RUSC2: variants seen among roughly 807,000 people sequenced by gnomAD.
RUSC2 encodes the protein RUN and SH3 domain containing 2, also known as AP-4 complex accessory subunit RUSC2.
In RUSC2, 34 loss-of-function variants were observed where a neutral mutation model predicts 122.2. That is an observed-to-expected ratio of 0.28 (90% CI 0.21 to 0.37). The LOEUF is 0.37. RUSC2 is among the 10% of genes least tolerant of loss of function. The pLI is 1.00. For synonymous variants in RUSC2, 784 were observed against 790.0 expected (o/e 0.99, Z 0.13); for missense variants, 1,747 against 1,952.4 (o/e 0.89, Z 1.98).
Position 35,561,251 on chromosome 9 carries a change from C to T in RUSC2, c.4420C>T (p.Leu1474=), listed in dbSNP as rs1563877528. The T allele has an allele frequency of 1.9e-6, 3 of 1,614,056 alleles. No individual in the cohort carries two copies. The South Asian group carries it at 3.3e-5, about 18-fold the overall frequency. ...GQLSFHKGDI[L]RVLGRAGGDW... ...GCTGAGCTTCCACAAAGGAGACATC[C>T]TACGAGTGCTGGGGCGAGCTGGAGG... Residue 1474 remains leucine, a synonymous_variant, in exon 12 of 12, where the codon CTA becomes TTA. Transcript: ENST00000361226.
rs557841416 is a variant in RUSC2 at position 35,549,214 on chromosome 9, T to C, written c.2014+679T>C. The C allele has an allele frequency of 5.9e-5, 58 of 985,198 alleles. No individual in the cohort carries two copies. In the African/African-American group the frequency reaches 9.4e-4, roughly 16 times the overall value. 61.0% of individuals were successfully genotyped at this position (985,198 alleles called of 1,614,324 possible). On this transcript the variant is annotated intron_variant, in intron 2 of 11. Coordinates refer to ENST00000361226, the MANE Select transcript of RUSC2 (RefSeq NM_014806.5). Reference sequence around the variant, plus strand: ...GGAAGAAAAGTTCAGGTTCAGACCTTTAGGAGTTTGCAGTGCCTAAGGGGC... The same window carrying C: ...GGAAGAAAAGTTCAGGTTCAGACCTCTAGGAGTTTGCAGTGCCTAAGGGGC...
chr9:35,546,955 C>T lies in RUSC2; in HGVS notation c.434C>T (p.Ser145Phe), dbSNP rs756963954. 6.3e-7 allele frequency: 1 copy of T among 1,577,992 alleles called. No individual in the cohort carries two copies. The highest frequency in any genetic ancestry group is 1.2e-5 in the South Asian group (1 of 83,886). Residue 145 changes from serine to phenylalanine, a missense_variant, in exon 2 of 12, where the codon TCT becomes TTT. Physicochemically the swap from Ser to Phe is radical, Grantham distance 155 (BLOSUM62 -2). Coordinates refer to ENST00000361226, the MANE Select transcript of RUSC2 (RefSeq NM_014806.5). This position sits in a 1 kb window ranked among gnomAD's most constrained non-coding sequence, Gnocchi z 4.3. ...GGCCAGCCCAACTTTCATCTATCCTCTTTCCAGCTGCCACCATCTGGCCCC... is the reference window on the plus strand; with the variant it reads ...GGCCAGCCCAACTTTCATCTATCCTTTTTCCAGCTGCCACCATCTGGCCCC... ...GTGQPNFHLS[S>F]FQLPPSGPRV... is the part of the protein sequence containing the mutation.
intron 1 of RUSC2, among the ~76,000 whole-genome samples, chr9:35,499,683 A>C (rs1055826018): frequency 3.3e-5 from 5 of 152,218 alleles, no homozygotes; most frequent in Admixed American, 1.3e-4. Flanking sequence ...CTGTTTTTAT[A>C]CTTTGTGCTT....
At chr9:35,496,162 A>T (rs1820708941) in intron 1 of RUSC2, among the ~76,000 whole-genome samples, 1 of 152,152 alleles carries the variant, frequency 6.6e-6, no homozygotes, top group Admixed American at 6.6e-5. Context: ...GAAGCATGCA[A>T]CAAGTGGAGA....
Position 35,546,600 on chromosome 9 carries a change from A to G in RUSC2, c.79A>G (p.Arg27Gly). The G allele has an allele frequency of 6.5e-7, 1 of 1,533,886 alleles. No individual in the cohort carries two copies. Among genetic ancestry groups the G allele is most frequent in the Non-Finnish European group, 8.7e-7 (1 of 1,143,338 alleles). Residue 27 changes from arginine (R) to glycine (G), a missense_variant, in exon 2 of 12, where the codon AGG (arginine) becomes GGG (glycine). Arg to Gly is a moderately radical substitution (Grantham distance 125). Coordinates refer to ENST00000361226, the MANE Select transcript of RUSC2 (RefSeq NM_014806.5). This position sits in a 1 kb window ranked among gnomAD's most constrained non-coding sequence, Gnocchi z 4.3. ...IPLVHCQVPD[R>G]QCCGGAGGGG... ...CCTGGTGCACTGCCAAGTCCCAGAC[A>G]GGCAGTGCTGTGGAGGGGCAGGTGG...
intron 1 of RUSC2, among the ~76,000 whole-genome samples, chr9:35,493,201 C>G (rs1478000329): frequency 6.6e-6 from 1 of 152,096 alleles, no homozygotes; most frequent in Non-Finnish European, 1.5e-5. Context: ...ACATTCCCAT[C>G]ATTTAGCTCT....
intron 1 of RUSC2, among the ~76,000 whole-genome samples, chr9:35,528,033 A>G (rs955521508): frequency 6.6e-6 from 1 of 152,236 alleles, no homozygotes. Context: ...TTTTTGGGGA[A>G]TTGGGTAGAG....
Position 35,548,141 on chromosome 9 carries a change from G to C in RUSC2, c.1620G>C (p.Arg540Ser). The stretch of plus-strand genomic sequence containing the variant: ...CCGGGCCTGGCTCCCCACCCAGGAG[G>C]GTCACCTCCTTTGCCGAGCTGGCCA... ...AMAGPGSPPR[R>S]VTSFAELAKG... Residue 540 changes from arginine (R) to serine (S), a missense_variant, in exon 2 of 12, where the codon AGG (arginine) becomes AGC (serine). Arg to Ser is a moderately radical substitution (Grantham distance 110). Transcript: ENST00000361226. The surrounding 1 kb of genome is among the most constrained non-coding windows in gnomAD (Gnocchi z 4.5). 2 of 1,613,290 alleles carry C rather than the reference G, an allele frequency of 1.2e-6. No individual in the cohort carries two copies. The highest frequency in any genetic ancestry group is 1.7e-6 in the Non-Finnish European group (2 of 1,180,006).
At chr9:35,503,402 C>T (rs1820853591) in intron 1 of RUSC2, among the ~76,000 whole-genome samples, 1 of 152,140 alleles carries the variant, frequency 6.6e-6, no homozygotes, top group East Asian at 1.9e-4. Context: ...GAATAGTGGC[C>T]TCCAGCTCCA....
At chr9:35,514,900 C>T (rs1215187996) in intron 1 of RUSC2, among the ~76,000 whole-genome samples, 1 of 152,164 alleles carries the variant, frequency 6.6e-6, no homozygotes, top group Non-Finnish European at 1.5e-5. Flanking sequence ...CCCTGTTCAT[C>T]ATAAAGAGAC....
chr9:35,513,378 G>T (rs773984014), intron 1 of RUSC2, among the ~76,000 whole-genome samples: 1 of 152,012 alleles, frequency 6.6e-6, no homozygotes, highest in Non-Finnish European at 1.5e-5. Flanking sequence ...GAGCAGCTGG[G>T]ATTACAGACA....
Position 35,515,999 on chromosome 9 carries a change from C to CAAAAAAA in RUSC2, c.-93+25845_-93+25851dup, listed in dbSNP as rs544797957. 6.2e-3 allele frequency among the ~76,000 whole-genome samples: 293 copies of CAAAAAAA among 47,162 alleles called. 32 individuals are homozygous for CAAAAAAA. Among genetic ancestry groups the CAAAAAAA allele is most frequent in the African/African-American group, 0.026 (267 of 10,090 alleles). 30.9% of individuals were successfully genotyped at this position (47,162 alleles called of 152,430 possible). Reference sequence around the variant, plus strand: ...GAGCGACACAGCGAGATTCTTGTCTCAAAAAAAAAAAAAAAAAAAAAAAAG... The same window carrying CAAAAAAA: ...GAGCGACACAGCGAGATTCTTGTCTCAAAAAAAAAAAAAAAAAAAAAAAAAAAAAAAG... On this transcript the variant is annotated intron_variant, in intron 1 of 11. Transcript: ENST00000361226.
At chr9:35,495,030 T>TATATATACTATATATATA (rs1820656396) in intron 1 of RUSC2, among the ~76,000 whole-genome samples, 1 of 86,742 alleles carries the variant, frequency 1.2e-5, no homozygotes, top group Non-Finnish European at 2.2e-5. Context: ...TTTTATATAT[T>TATATATACTATATATATA]ATATATACTA....
intron 1 of RUSC2, among the ~76,000 whole-genome samples, chr9:35,543,586 A>C (rs1004268625): frequency 1.3e-5 from 2 of 152,198 alleles, no homozygotes. Flanking sequence ...ATTTTCTTCT[A>C]TGCATACAGA....
intron 1 of RUSC2, among the ~76,000 whole-genome samples, chr9:35,525,310 C>T (rs573219187): frequency 1.3e-3 from 203 of 152,274 alleles, no homozygotes; most frequent in Admixed American, 2.9e-3. Flanking sequence ...GGCCTCTCAT[C>T]CTGCTTTCTT....
chr9:35,548,330 G>A lies in RUSC2; in HGVS notation c.1809G>A (p.Gly603=), dbSNP rs1289513335. ...CSHSLPPMPL[G]PGMDLLGPDP... is the part of the protein sequence containing the mutation. ...ATAGCCTGCCACCCATGCCTTTGGG[G>A]CCAGGCATGGACCTACTTGGCCCAG... Residue 603 remains glycine (G), a synonymous_variant, in exon 2 of 12, where the codon GGG becomes GGA. Transcript: ENST00000361226. The surrounding 1 kb of genome is among the most constrained non-coding windows in gnomAD (Gnocchi z 4.5). 8 of 1,613,910 alleles carry A rather than the reference G, an allele frequency of 5.0e-6. No individual in the cohort carries two copies. In the East Asian group the frequency reaches 1.6e-4, roughly 31 times the overall value.
At position 35,558,346 on chromosome 9, in the gene RUSC2, T is replaced by G. The variant is rs768150713; in HGVS notation, c.3210T>G (p.Ser1070Arg). The part of the protein sequence containing the change: ...IIGQRKNMPW[S>R]VVEASTQLGP... ...GGCAGCGTAAGAACATGCCATGGAG[T>G]GTGGTTGAGGCTTCCACACAGCTAG... Residue 1070 changes from serine (S) to arginine (R), a missense_variant, in exon 7 of 12, where the codon AGT becomes AGG. Ser to Arg is a moderately radical substitution (Grantham distance 110). Coordinates refer to ENST00000361226, the MANE Select transcript of RUSC2 (RefSeq NM_014806.5). The surrounding 1 kb of genome is among the most constrained non-coding windows in gnomAD (Gnocchi z 4.3). The G allele has an allele frequency of 1.2e-6, 2 of 1,613,734 alleles. No individual in the cohort carries two copies. Among genetic ancestry groups the G allele is most frequent in the Non-Finnish European group, 1.7e-6 (2 of 1,179,900 alleles).
At position 35,557,768 on chromosome 9, in the gene RUSC2, C is replaced by T; in HGVS notation, c.2984-146C>T. The T allele has an allele frequency of 1.4e-6, 1 of 690,488 alleles. No individual in the cohort carries two copies. The highest frequency in any genetic ancestry group is 2.6e-6 in the Non-Finnish European group (1 of 381,906). 42.8% of individuals were successfully genotyped at this position (690,488 alleles called of 1,614,324 possible). A position where few individuals can be genotyped will look rare whatever the true frequency, so the allele number is the denominator to read the frequency against. On this transcript the variant is annotated intron_variant, in intron 5 of 11. Transcript: ENST00000361226. The surrounding 1 kb of genome is among the most constrained non-coding windows in gnomAD (Gnocchi z 4.6). ...GGGCAGAACCAGAAAAGGGCCAGGC[C>T]TGAATGTTTTGATAAGACCCATGTG... is the stretch of plus-strand genomic sequence containing the variant.
chr9:35,504,319 G>C (rs1820870987), intron 1 of RUSC2, among the ~76,000 whole-genome samples: 1 of 152,124 alleles, frequency 6.6e-6, no homozygotes, highest in African/African-American at 2.4e-5. Context: ...TATTTTGTCT[G>C]ATAATTGGTA....
Sources: allele counts gnomAD v4.1 joint callset (sites outside exome capture counted in the v4.1 genomes callset), GRCh38; gene constraint gnomAD v4.1.1; non-coding constraint Gnocchi (gnomAD v3.1); transcripts MANE v1.5; gene names NCBI Gene and HGNC (gene_info 2026-07-23, HGNC 2026-07-21).